FLT4: variants seen among roughly 807,000 people sequenced by gnomAD.
FLT4 encodes fms related receptor tyrosine kinase 4.
In FLT4, 30 loss-of-function variants were observed where a neutral mutation model predicts 163.2. The observed-to-expected ratio is 0.18, with a 90% CI of 0.14 to 0.25. The LOEUF is 0.25. Ranked by LOEUF, FLT4 falls within the 10% of genes least tolerant of loss-of-function variation. The pLI, the probability that FLT4 is intolerant of heterozygous loss-of-function variation, is 1.00. For missense variants in FLT4, 1,510 were observed against 1,863.8 expected (o/e 0.81, Z 3.50); for synonymous variants, 884 against 789.5 (o/e 1.12, Z -2.01).
chr5:180,648,058 C>T (rs1242032083), intron 1 of FLT4, among the ~76,000 whole-genome samples: 1 of 152,212 alleles, frequency 6.6e-6, no homozygotes, highest in Non-Finnish European at 1.5e-5. Context: ...GACACTGCGC[C>T]CAGGTGCCTG....
rs530977029 is a variant in FLT4 at position 180,611,418 on chromosome 5, G to A, written c.3599C>T (p.Ser1200Leu). The part of the protein sequence containing the change: ...SSQSSEEGSF[S>L]QVSTMALHIA... ...GTGTAGGGCCATGGTGGACACCTGC[G>A]AGAAGCTGCCCTCTTCTGAGCTCTG... Residue 1200 changes from serine to leucine, a missense_variant, in exon 27 of 30, where the codon TCG becomes TTG. Around this residue, in one of 5 missense-constraint regions of FLT4, gnomAD observed 295 missense variants for 311.0 expected, o/e 0.95. Transcript: ENST00000261937. 10 of 1,614,012 alleles carry A rather than the reference G, an allele frequency of 6.2e-6. No individual in the cohort carries two copies. The highest frequency in any genetic ancestry group is 1.6e-4 in the Middle Eastern group (1 of 6,062).
In FLT4 at chr5:180,630,150, C is replaced by T; in HGVS notation, c.514-45G>A. The stretch of plus-strand genomic sequence containing the variant: ...ATCATTGCCCAGCTGCCCCTTGCTC[C>T]TGGCCAGACAGGCGGCCGCCTTTCC... On this transcript the variant is annotated intron_variant, in intron 4 of 29. Transcript: ENST00000261937. This position sits in a 1 kb window ranked among gnomAD's most constrained non-coding sequence, Gnocchi z 6.3. 7.1e-7 allele frequency: 1 copy of T among 1,405,964 alleles called. No individual in the cohort carries two copies. The highest frequency in any genetic ancestry group is 9.5e-7 in the Non-Finnish European group (1 of 1,047,664). 87.1% of individuals were successfully genotyped at this position (1,405,964 alleles called of 1,614,324 possible).
At position 180,612,296 on chromosome 5, in the gene FLT4, C is replaced by T. The variant is rs965921831; in HGVS notation, c.3537+210G>A. On this transcript the variant is annotated intron_variant, in intron 26 of 29. Transcript: ENST00000261937. ...CTGACTATCCACACAGCACCTGGAG[C>T]AGGCAGTGGAGCTGTGCAGCGGGTG... 3 of 597,774 alleles carry T rather than the reference C, an allele frequency of 5.0e-6. No individual in the cohort carries two copies. In the African/African-American group the frequency reaches 5.6e-5, roughly 11 times the overall value. The allele number at this position is 597,774 out of a possible 1,614,324, so 37.0% of individuals were successfully genotyped here. A position where few individuals can be genotyped will look rare whatever the true frequency, so the allele number is the denominator to read the frequency against.
chr5:180,609,003 C>G lies in FLT4; in HGVS notation c.3858G>C (p.Gln1286His). 2 of 1,614,220 alleles carry G rather than the reference C, an allele frequency of 1.2e-6. No homozygotes were observed. Among genetic ancestry groups the G allele is most frequent in the Non-Finnish European group, 1.7e-6 (2 of 1,180,030 alleles). The change falls in exon 29 of 30, where the codon CAG becomes CAC. Residue 1286 changes from glutamine (Q) to histidine (H), a missense_variant. Gln to His is a conservative substitution (Grantham distance 24, BLOSUM62 0). Around this residue, in one of 5 missense-constraint regions of FLT4, gnomAD observed 295 missense variants for 311.0 expected, o/e 0.95. Coordinates refer to ENST00000261937, the MANE Select transcript of FLT4 (RefSeq NM_182925.5). ...GMVLASEEFE[Q>H]IESRHRQESG... ...TTTCTTGTCTATGCCTGCTCTCTAT[C>G]TGCTCAAACTCCTCCGAGGCCAGCA...
intron 29 of FLT4, among the ~76,000 whole-genome samples, chr5:180,606,975 G>A (rs952363481): frequency 1.8e-4 from 28 of 152,172 alleles, no homozygotes; most frequent in Admixed American, 1.1e-3. Context: ...CTACTCAAGA[G>A]GCTGAGGCAG....
intron 1 of FLT4, among the ~76,000 whole-genome samples, chr5:180,638,222 GCC>G (rs1229111908): frequency 2.6e-5 from 4 of 152,174 alleles, no homozygotes; most frequent in African/African-American, 9.7e-5. Flanking sequence ...GCATCCAGCT[GCC>G]CACTGGACTT....
In FLT4 at chr5:180,626,143, C is replaced by G; in HGVS notation, c.1226G>C (p.Arg409Thr). 1 of 1,612,876 alleles carries G rather than the reference C, an allele frequency of 6.2e-7. No individual in the cohort carries two copies. Among genetic ancestry groups the G allele is most frequent in the Non-Finnish European group, 8.5e-7 (1 of 1,180,008 alleles). The change falls in exon 9 of 30, where the codon AGG becomes ACG. Residue 409 changes from arginine (R) to threonine (T), a missense_variant. Coordinates refer to ENST00000261937, the MANE Select transcript of FLT4 (RefSeq NM_182925.5). ...LALWNSAAGL[R>T]RNISLELVVN... is the part of the protein sequence containing the mutation. ...CACCAGCTCCAGGCTGATGTTGCGCCTCAGGCCAGCAGCGGAGTTCCACAG... is the reference window on the plus strand; with the variant it reads ...CACCAGCTCCAGGCTGATGTTGCGCGTCAGGCCAGCAGCGGAGTTCCACAG...
intron 1 of FLT4, among the ~76,000 whole-genome samples, chr5:180,634,659 C>T (rs1343391361): frequency 7.9e-6 from 1 of 127,374 alleles, no homozygotes; most frequent in Non-Finnish European, 1.6e-5. Flanking sequence ...CGCACCACTG[C>T]ACTCCAGCCT....
chr5:180,622,969 G>C lies in FLT4; in HGVS notation c.1549-130C>G, dbSNP rs372164477. 1.5e-5 allele frequency: 11 copies of C among 720,152 alleles called. No homozygotes were observed. In the East Asian group the frequency reaches 1.6e-4, roughly 10 times the overall value. The allele number at this position is 720,152 out of a possible 1,614,324, so 44.6% of individuals were successfully genotyped here. A position where few individuals can be genotyped will look rare whatever the true frequency, so the allele number is the denominator to read the frequency against. Reference sequence around the variant, plus strand: ...GGGGAAACTGAGGCTTTGGGCTGGAGAAGACCAAAACTCACAGGACCAGGG... The same window carrying C: ...GGGGAAACTGAGGCTTTGGGCTGGACAAGACCAAAACTCACAGGACCAGGG... On this transcript the variant is annotated intron_variant, in intron 11 of 29. Coordinates refer to ENST00000261937, the MANE Select transcript of FLT4 (RefSeq NM_182925.5).
chr5:180,639,674 T>C (rs938064662), intron 1 of FLT4, among the ~76,000 whole-genome samples: 1 of 152,146 alleles, frequency 6.6e-6, no homozygotes, highest in African/African-American at 2.4e-5. Context: ...CTGGAAAAGA[T>C]GCTTCCTGTT....
intron 29 of FLT4, among the ~76,000 whole-genome samples, chr5:180,607,085 A>G (rs1467221348): frequency 6.6e-6 from 1 of 152,044 alleles, no homozygotes; most frequent in East Asian, 1.9e-4. Flanking sequence ...CTCAAAAAAT[A>G]AAAATAAAAA....
chr5:180,619,082 C>A lies in FLT4; in HGVS notation c.2789G>T (p.Cys930Phe). ...QGPLMVIVEF[C>F]KYGNLSNFLR... ...GAAGTTGGAGAGGTTGCCGTACTTG[C>A]AGAACTCCACGATCACCATGAGGGG... Residue 930 changes from cysteine to phenylalanine, a missense_variant, in exon 20 of 30, where the codon TGC (cysteine) becomes TTC (phenylalanine). Transcript: ENST00000261937. 6.4e-7 allele frequency: 1 copy of A among 1,559,244 alleles called. No homozygotes were observed. Among genetic ancestry groups the A allele is most frequent in the Non-Finnish European group, 8.7e-7 (1 of 1,153,786 alleles).
Position 180,623,977 on chromosome 5 carries a change from C to T in FLT4, c.1506G>A (p.Glu502=), listed in dbSNP as rs776701542. ...VTTQDAVNPI[E]SLDTWTEFVE... ...CAAACTCGGTCCAGGTGTCCAGGCT[C>T]TCGATGGGGTTCACGGCATCCTGCG... The change falls in exon 11 of 30, where the codon GAG becomes GAA. Residue 502 remains glutamate, a synonymous_variant. Coordinates refer to ENST00000261937, the MANE Select transcript of FLT4 (RefSeq NM_182925.5). The surrounding 1 kb of genome is among the most constrained non-coding windows in gnomAD (Gnocchi z 5.8). 13 of 1,613,540 alleles carry T rather than the reference C, an allele frequency of 8.1e-6. No individual in the cohort carries two copies. Among genetic ancestry groups the T allele is most frequent in the Non-Finnish European group, 7.6e-6 (9 of 1,180,016 alleles).
At chr5:180,621,997 T>TCCCG (rs1267129104) in intron 12 of FLT4, 93 bp from the exon 13 acceptor site, 1 of 1,518,124 alleles carries the variant, frequency 6.6e-7, no homozygotes, top group Non-Finnish European at 8.9e-7. Context: ...CCTCCCTCCC[T>TCCCG]CCCTCTCTCC....
chr5:180,640,892 T>C (rs1378626148), intron 1 of FLT4, among the ~76,000 whole-genome samples: 1 of 152,166 alleles, frequency 6.6e-6, no homozygotes, highest in Non-Finnish European at 1.5e-5. Flanking sequence ...CGGGGCAGTG[T>C]GGGTGAGCGC....
At chr5:180,649,386 G>C in intron 1 of FLT4, 102 bp downstream of exon 1, 1 of 749,430 alleles carries the variant, frequency 1.3e-6, no homozygotes, top group Non-Finnish European at 1.9e-6. Flanking sequence ...CGTGTCCCCC[G>C]CCCGTACCCG....
intron 26 of FLT4, chr5:180,611,756 C>T: frequency 1.8e-6 from 1 of 552,108 alleles, no homozygotes. Context: ...GAAACCAGCA[C>T]ATCTCAGCCA....
At position 180,603,243 on chromosome 5, in the gene FLT4, G is replaced by C. The variant is rs765327561; in HGVS notation, c.4041C>G (p.Asp1347Glu). 7 of 1,614,066 alleles carry C rather than the reference G, an allele frequency of 4.3e-6. No homozygotes were observed. The highest frequency in any genetic ancestry group is 5.9e-6 in the Non-Finnish European group (7 of 1,180,042). The change falls in exon 30 of 30, where the codon GAC (aspartate) becomes GAG (glutamate). Residue 1347 changes from aspartate (D) to glutamate (E), a missense_variant. This residue lies in a region of FLT4 where 295 missense variants were observed against 311.0 expected (regional missense o/e 0.95). Coordinates refer to ENST00000261937, the MANE Select transcript of FLT4 (RefSeq NM_182925.5). Reference sequence around the variant, plus strand: ...TCACGCGGGCAGACGGGGAGCAGTGGTCCTCCTCGCTTGGCTCCGACAGCT... The same window carrying C: ...TCACGCGGGCAGACGGGGAGCAGTGCTCCTCCTCGCTTGGCTCCGACAGCT... The part of the protein sequence containing the change: ...YGELSEPSEE[D>E]HCSPSARVTF...
intron 23 of FLT4, among the ~76,000 whole-genome samples, chr5:180,615,199 GGTCA>G (rs1762555980): frequency 3.5e-5 from 4 of 115,390 alleles, no homozygotes; most frequent in Non-Finnish European, 4.0e-5. Context: ...GGGCCCCGCT[GGTCA>G]CCTCCCTTCT....
Sources: allele counts gnomAD v4.1 joint callset (sites outside exome capture counted in the v4.1 genomes callset), GRCh38; gene constraint gnomAD v4.1.1; regional missense constraint gnomAD v4.1.1; non-coding constraint Gnocchi (gnomAD v3.1); transcripts MANE v1.5; gene names NCBI Gene and HGNC (gene_info 2026-07-23, HGNC 2026-07-21).